PGAM1: variants seen among roughly 807,000 people sequenced by gnomAD.
The protein encoded by PGAM1 is BPG-dependent PGAM 1.
A neutral mutation model predicts 23.5 loss-of-function variants in PGAM1; 21 were observed. The ratio of observed to expected loss-of-function variants is 0.89; its 90% CI spans 0.63 to 1.29. The LOEUF (loss-of-function observed/expected upper bound fraction) is 1.29. PGAM1 is among the 50% of genes most tolerant of loss of function. The probability of loss-of-function intolerance (pLI) is 0.00; values close to 1 mark genes in which losing one functional copy is unlikely to be tolerated. For missense variants in PGAM1, 232 were observed against 336.3 expected, an observed-to-expected ratio of 0.69 and a Z score of 2.42; for synonymous variants, 109 against 128.6, an observed-to-expected ratio of 0.85 and a Z score of 1.03.
chr10:97,431,036 T>C lies in PGAM1; in HGVS notation c.496T>C (p.Phe166Leu). ...LKDTIARALP[F>L]WNEEIVPQIK... is the part of the protein sequence containing the mutation. ...GGATACTATTGCCAGAGCTCTGCCC[T>C]TCTGGAATGAAGAAATAGTTCCCCA... Residue 166 changes from phenylalanine to leucine, a missense_variant, in exon 3 of 4, where the codon TTC (phenylalanine) becomes CTC (leucine). Transcript: ENST00000334828. The C allele has an allele frequency of 1.2e-6, 2 of 1,614,038 alleles. No homozygotes were observed. The highest frequency in any genetic ancestry group is 1.7e-6 in the Non-Finnish European group (2 of 1,179,958).
intron 3 of PGAM1, among the ~76,000 whole-genome samples, chr10:97,431,434 T>C (rs1182999976): frequency 2.6e-5 from 4 of 152,298 alleles, no homozygotes; most frequent in African/African-American, 9.6e-5. Context: ...ACATTAAAGA[T>C]TGAGAAGCTC....
rs72833963 is a variant in PGAM1, at chr10:97,431,993, C to T, written c.596-362C>T. Among the ~76,000 whole-genome samples the T allele has an allele frequency of 3.9e-5, 6 of 152,210 alleles. No homozygotes were observed. In the East Asian group the frequency reaches 5.8e-4, roughly 15 times the overall value. ...GAATCTCAATTTGCATCTTCATCCC[C>T]GAGGGCCTAGAGGCCCACGTGTGCT... On this transcript the variant is annotated intron_variant, in intron 3 of 3. Transcript: ENST00000334828.
At chr10:97,427,740 G>A (rs1845425777) in intron 1 of PGAM1, 3 of 1,275,536 alleles carry the variant, frequency 2.4e-6, no homozygotes, top group Non-Finnish European at 1.0e-6. Flanking sequence ...AGAATCCCTG[G>A]ACTGAAGAGG....
chr10:97,431,264 ACTTCTAGTG>A, intron 3 of PGAM1, 129 bp downstream of exon 3: 2 of 1,108,486 alleles, frequency 1.8e-6, no homozygotes, highest in Admixed American at 4.0e-5. Context: ...GTCTAGATTG[ACTTCTAGTG>A]AAAAAACACC....
Position 97,430,622 on chromosome 10 carries a change from C to A in PGAM1, c.383C>A (p.Pro128His). 6.2e-7 allele frequency: 1 copy of A among 1,602,746 alleles called. No individual in the cohort carries two copies. Among genetic ancestry groups the A allele is most frequent in the Non-Finnish European group, 8.5e-7 (1 of 1,179,974 alleles). Residue 128 changes from proline to histidine, a missense_variant, in exon 2 of 4, where the codon CCC (proline) becomes CAC (histidine). Physicochemically the swap from Pro to His is moderately conservative, Grantham distance 77. Coordinates refer to ENST00000334828, the MANE Select transcript of PGAM1 (RefSeq NM_002629.4). ...SYDVPPPPME[P>H]DHPFYSNISK... Reference sequence around the variant, plus strand: ...GATGTCCCACCACCTCCGATGGAGCCCGACCATCCTTTCTACAGCAACATC... The same window carrying A: ...GATGTCCCACCACCTCCGATGGAGCACGACCATCCTTTCTACAGCAACATC...
At chr10:97,428,805 T>C (rs1285802346) in intron 1 of PGAM1, among the ~76,000 whole-genome samples, 1 of 152,194 alleles carries the variant, frequency 6.6e-6, no homozygotes, top group Non-Finnish European at 1.5e-5. Flanking sequence ...TGAGTTTTCC[T>C]GGTGATTAGT....
At chr10:97,427,862 T>G (rs1845428987) in intron 1 of PGAM1, 1 of 1,289,238 alleles carries the variant, frequency 7.8e-7, no homozygotes, top group Admixed American at 2.3e-5. Flanking sequence ...GGCCTCAGAT[T>G]GCTCTCCTAG....
intron 1 of PGAM1, among the ~76,000 whole-genome samples, chr10:97,429,092 C>CCTT (rs1491389285): frequency 1.2e-5 from 1 of 84,752 alleles, no homozygotes; most frequent in African/African-American, 5.5e-5. Flanking sequence ...AGACTGATTC[C>CCTT]TTTTTTTTTT....
At chr10:97,430,230 T>C in intron 1 of PGAM1, 149 bp from the exon 2 acceptor site, 1 of 927,428 alleles carries the variant, frequency 1.1e-6, no homozygotes, top group South Asian at 1.3e-5. Context: ...TTGGATAGAG[T>C]GCAAGGATAA....
intron 1 of PGAM1, among the ~76,000 whole-genome samples, chr10:97,429,356 G>A (rs1845444587): frequency 6.6e-6 from 1 of 151,984 alleles, no homozygotes; most frequent in South Asian, 2.1e-4. Context: ...TGCCCACCTC[G>A]GCCTCCCAAA....
At chr10:97,427,840 G>T in intron 1 of PGAM1, 2 of 1,289,372 alleles carry the variant, frequency 1.6e-6, no homozygotes, top group Non-Finnish European at 2.0e-6. Context: ...CATTGATGAG[G>T]CACAGGTATT....
In PGAM1 at chr10:97,426,258, A is replaced by T. The variant is rs770181196; in HGVS notation, c.-50A>T. On this transcript the variant is annotated 5_prime_UTR_variant, in exon 1 of 4. Coordinates refer to ENST00000334828, the MANE Select transcript of PGAM1 (RefSeq NM_002629.4). ...GGCGCGGCCGACGGGGCGGGCTGCT[A>T]CTCCGGAATCTGCTAATCCCAGTCG... The T allele has an allele frequency of 1.2e-5, 19 of 1,609,062 alleles. No individual in the cohort carries two copies. In the Admixed American group the frequency reaches 3.2e-4, roughly 27 times the overall value.
chr10:97,431,861 C>T (rs1282619948), intron 3 of PGAM1, among the ~76,000 whole-genome samples: 1 of 151,234 alleles, frequency 6.6e-6, no homozygotes, highest in Admixed American at 6.6e-5. Context: ...ACATTCTAGC[C>T]TGGGTGAGAG....
At chr10:97,427,793 C>T (rs1181413393) in intron 1 of PGAM1, 1 of 1,289,350 alleles carries the variant, frequency 7.8e-7, no homozygotes, top group Admixed American at 2.3e-5. Flanking sequence ...TTGCTCCCTT[C>T]TAACCTCTGG....
rs923029571 is a variant in PGAM1 at position 97,431,027 on chromosome 10, G to A, written c.487G>A (p.Ala163Thr). The change falls in exon 3 of 4, where the codon GCT (alanine) becomes ACT (threonine). Residue 163 changes from alanine (A) to threonine (T), a missense_variant. Coordinates refer to ENST00000334828, the MANE Select transcript of PGAM1 (RefSeq NM_002629.4). ...GAGTCTGAAGGATACTATTGCCAGAGCTCTGCCCTTCTGGAATGAAGAAAT... is the reference window on the plus strand; with the variant it reads ...GAGTCTGAAGGATACTATTGCCAGAACTCTGCCCTTCTGGAATGAAGAAAT... ...CESLKDTIAR[A>T]LPFWNEEIVP... is the part of the protein sequence containing the mutation. The A allele has an allele frequency of 5.6e-6, 9 of 1,613,822 alleles. No homozygotes were observed. The African/African-American group carries it at 8.0e-5, about 14-fold the overall frequency.
chr10:97,427,245 G>C (rs960603443), intron 1 of PGAM1: 46 of 984,936 alleles, frequency 4.7e-5, no homozygotes, highest in Admixed American at 6.1e-5. Context: ...ACACAGCCTC[G>C]TCCCCAGCAG....
intron 1 of PGAM1, among the ~76,000 whole-genome samples, chr10:97,428,686 T>C (rs1478770468): frequency 3.9e-5 from 6 of 152,196 alleles, no homozygotes; most frequent in East Asian, 1.9e-4. Context: ...CAGCCTTTTG[T>C]TGGGGAGCCA....
chr10:97,429,832 T>C (rs566743534), intron 1 of PGAM1, among the ~76,000 whole-genome samples: 8 of 152,188 alleles, frequency 5.3e-5, no homozygotes, highest in African/African-American at 1.9e-4. Context: ...AAAATATCTT[T>C]TATAAGTGAC....
chr10:97,430,596 T>A lies in PGAM1; in HGVS notation c.357T>A (p.Tyr119Ter). The change falls in exon 2 of 4, where the codon TAT becomes TAA. Residue 119 changes from tyrosine to a stop codon, truncating the protein, a stop_gained. Coordinates refer to ENST00000334828, the MANE Select transcript of PGAM1 (RefSeq NM_002629.4). LOFTEE classifies it high-confidence loss of function. ...AGGTGAAGATCTGGAGGCGCTCCTA[T>A]GATGTCCCACCACCTCCGATGGAGC... ...EAQVKIWRRS[Y>*]DVPPPPMEPD... The A allele has an allele frequency of 6.2e-7, 1 of 1,602,118 alleles. No individual in the cohort carries two copies. The highest frequency in any genetic ancestry group is 8.5e-7 in the Non-Finnish European group (1 of 1,179,954).
Sources: gnomAD v4.1 joint callset for allele counts (sites outside exome capture counted in the v4.1 genomes callset) on GRCh38, gnomAD v4.1.1 for gene constraint, MANE v1.5 for transcripts, NCBI Gene and HGNC (gene_info 2026-07-23, HGNC 2026-07-21) for gene names.